Variants in FBXL2 observed in about 807,000 individuals in gnomAD.
FBXL2 encodes F-box and leucine rich repeat protein 2, also known as F-box/LRR-repeat protein 2.
Under a neutral mutation model 69.2 loss-of-function variants are expected in FBXL2, and 38 were observed. The observed-to-expected ratio is 0.55, with a 90% CI of 0.42 to 0.72. FBXL2 has a LOEUF of 0.72. FBXL2 is among the 30% of genes least tolerant of loss of function. The pLI is 0.00. For synonymous variants in FBXL2, 192 were observed against 201.3 expected (o/e 0.95, Z 0.39); for missense variants, 354 against 520.3 (o/e 0.68, Z 3.11).
chr3:33,352,771 C>T (rs947933200), intron 2 of FBXL2, among the ~76,000 whole-genome samples: 3 of 152,146 alleles, frequency 2.0e-5, no homozygotes, highest in Non-Finnish European at 2.9e-5. Context: ...TAATGTGTGT[C>T]TGTAATCCCA....
At chr3:33,351,878 C>G (rs1438226950) in intron 2 of FBXL2, among the ~76,000 whole-genome samples, 1 of 150,446 alleles carries the variant, frequency 6.6e-6, no homozygotes, top group African/African-American at 2.5e-5. Flanking sequence ...ATAATCCCAG[C>G]AACACAGGAG....
In FBXL2 at chr3:33,359,275, C is replaced by T; in HGVS notation, c.121-8C>T. 1.9e-6 allele frequency: 3 copies of T among 1,608,406 alleles called. No individual in the cohort carries two copies. Among genetic ancestry groups the T allele is most frequent in the Non-Finnish European group, 2.6e-6 (3 of 1,176,274 alleles). On this transcript the variant is annotated splice_region_variant and splice_polypyrimidine_tract_variant and intron_variant, in intron 3 of 14. Transcript: ENST00000484457. Reference sequence around the variant, plus strand: ...CCAATCCCTCTTCCTTTACCTCCCACCTTCCAGGCTTGGAACATCTTAGCC... The same window carrying T: ...CCAATCCCTCTTCCTTTACCTCCCATCTTCCAGGCTTGGAACATCTTAGCC...
intron 2 of FBXL2, among the ~76,000 whole-genome samples, chr3:33,353,368 A>G (rs77935071): frequency 0.073 from 11,115 of 152,332 alleles, 525 homozygotes; most frequent in Middle Eastern, 0.11. Context: ...ACCCCAAACT[A>G]GAAGCAACTA....
the FBXL2 span, among the ~76,000 whole-genome samples, chr3:33,415,507 CATG>C: frequency 6.6e-6 from 1 of 152,136 alleles, no homozygotes; most frequent in Non-Finnish European, 1.5e-5. Context: ...TATGAGAACT[CATG>C]ATATATACCA....
At chr3:33,374,230 G>A (rs559438519) in intron 9 of FBXL2, among the ~76,000 whole-genome samples, 33 of 152,300 alleles carry the variant, frequency 2.2e-4, no homozygotes, top group African/African-American at 7.9e-4. Context: ...TCACTAAATA[G>A]TTTTAAGACA....
At chr3:33,358,156 G>A (rs976560112) in intron 2 of FBXL2, among the ~76,000 whole-genome samples, 2 of 152,104 alleles carry the variant, frequency 1.3e-5, no homozygotes, top group African/African-American at 4.8e-5. Context: ...TACTTTCCAG[G>A]ACTCTGAAAA....
intron 12 of FBXL2, chr3:33,402,772 G>A: frequency 6.9e-7 from 1 of 1,458,886 alleles, no homozygotes; most frequent in Non-Finnish European, 9.2e-7. Flanking sequence ...TTAGTTAGCT[G>A]CAGGCACACG....
At chr3:33,367,239 G>A (rs1310538696) in intron 5 of FBXL2, among the ~76,000 whole-genome samples, 1 of 151,884 alleles carries the variant, frequency 6.6e-6, no homozygotes, top group African/African-American at 2.4e-5. Context: ...CCACCACCAT[G>A]CCTGGCTAAT....
At chr3:33,281,767 G>T (rs1268108265) in intron 1 of FBXL2, among the ~76,000 whole-genome samples, 2 of 151,896 alleles carry the variant, frequency 1.3e-5, no homozygotes, top group African/African-American at 4.8e-5. Context: ...TCTCATTGTG[G>T]TTTTGATTTG....
intron 1 of FBXL2, among the ~76,000 whole-genome samples, chr3:33,286,551 A>G (rs964001918): frequency 1.3e-5 from 2 of 151,930 alleles, no homozygotes; most frequent in South Asian, 2.1e-4. Context: ...GAGAACCACT[A>G]CTCTCTTCAA....
At chr3:33,392,364 A>G, downstream of FBXL2, 1 of 481,042 alleles carries the variant, frequency 2.1e-6, no homozygotes, top group Non-Finnish European at 3.6e-6. Flanking sequence ...TTTTTTTTCC[A>G]GTCATCTAGA....
At chr3:33,358,859 G>GA in intron 2 of FBXL2, 108 bp from the exon 3 acceptor site, 2 of 575,448 alleles carry the variant, frequency 3.5e-6, no homozygotes, top group Non-Finnish European at 5.9e-6. Flanking sequence ...GAGGAATCTT[G>GA]AAAAAACTTA....
At chr3:33,367,055 A>G (rs533779434) in intron 5 of FBXL2, among the ~76,000 whole-genome samples, 91 of 151,820 alleles carry the variant, frequency 6.0e-4, no homozygotes, top group African/African-American at 2.0e-3. Flanking sequence ...CTGCTCCTAC[A>G]TGTTTTTTTG....
At chr3:33,297,910 C>T in intron 2 of FBXL2, 185 bp downstream of exon 2, 1 of 642,510 alleles carries the variant, frequency 1.6e-6, no homozygotes, top group East Asian at 3.0e-5. Flanking sequence ...TGGTCTAATC[C>T]AGAATGTACT....
chr3:33,342,588 AC>A (rs1423324519), intron 2 of FBXL2, among the ~76,000 whole-genome samples: 2 of 151,620 alleles, frequency 1.3e-5, no homozygotes, highest in African/African-American at 4.8e-5. Flanking sequence ...GGTATTTATG[AC>A]GAAGAGTAAA....
intron 2 of FBXL2, among the ~76,000 whole-genome samples, chr3:33,343,603 T>C (rs913823323): frequency 2.0e-5 from 3 of 152,120 alleles, no homozygotes; most frequent in African/African-American, 7.2e-5. Context: ...ATTCAAATAC[T>C]ACAAACTCTT....
At chr3:33,422,514 G>A in the FBXL2 span, among the ~76,000 whole-genome samples, 1 of 152,036 alleles carries the variant, frequency 6.6e-6, no homozygotes, top group East Asian at 1.9e-4. Flanking sequence ...CCCAGGAGTC[G>A]GAGATTAGCG....
At chr3:33,313,615 G>GTTTTT (rs766273521) in intron 2 of FBXL2, among the ~76,000 whole-genome samples, 2,162 of 148,234 alleles carry the variant, frequency 0.015, 33 homozygotes, top group Admixed American at 0.03. Flanking sequence ...TCAGATAATT[G>GTTTTT]TTTTATTTTT....
chr3:33,402,774 A>C, intron 12 of FBXL2: 1 of 1,469,506 alleles, frequency 6.8e-7, no homozygotes, highest in Non-Finnish European at 9.1e-7. Context: ...AGTTAGCTGC[A>C]GGCACACGAT....
Sources: allele counts gnomAD v4.1 joint callset (sites outside exome capture counted in the v4.1 genomes callset), GRCh38; gene constraint gnomAD v4.1.1; transcripts MANE v1.5; gene names NCBI Gene and HGNC (gene_info 2026-07-23, HGNC 2026-07-21).